The following KIF21A variants were observed in gnomAD, a reference collection of about 807,000 sequenced individuals.
The protein encoded by KIF21A is kinesin family member 21A.
A neutral mutation model predicts 202.9 loss-of-function variants in KIF21A; 114 were observed. That is an observed-to-expected ratio of 0.56 (90% CI 0.48 to 0.66). The LOEUF is 0.66. KIF21A is among the 30% of genes least tolerant of loss of function. KIF21A has a pLI of 0.00. For missense variants in KIF21A, 1,677 were observed against 1,994.9 expected, an observed-to-expected ratio of 0.84 and a Z score of 3.04; for synonymous variants, 667 against 670.8, an observed-to-expected ratio of 0.99 and a Z score of 0.09.
intron 1 of KIF21A, among the ~76,000 whole-genome samples, chr12:39,403,194 A>C (rs891207539): frequency 1.5e-4 from 23 of 152,172 alleles, no homozygotes; most frequent in Admixed American, 5.2e-4. Context: ...AAACCCTTGA[A>C]CACCTGGGGG....
Position 39,367,998 on chromosome 12 carries a change from G to A in KIF21A, c.485C>T (p.Thr162Ile), listed in dbSNP as rs1472980527. The A allele has an allele frequency of 1.0e-5, 16 of 1,595,950 alleles. No homozygotes were observed. Among genetic ancestry groups the A allele is most frequent in the African/African-American group, 1.3e-5 (1 of 74,406 alleles). The change falls in exon 4 of 38, where the codon ACC becomes ATC. Residue 162 changes from threonine to isoleucine, a missense_variant. This residue lies in a region of KIF21A where 966 missense variants were observed against 1,180.9 expected (regional missense o/e 0.82). Coordinates refer to ENST00000361418, the MANE Select transcript of KIF21A (RefSeq NM_001173464.2). ...ACTTTTTGCATCAATATCACGAGTGGTATCAAATAAGTCAAGGACCTCTTC... is the reference window on the plus strand; with the variant it reads ...ACTTTTTGCATCAATATCACGAGTGATATCAAATAAGTCAAGGACCTCTTC... ...YNEEVLDLFD[T>I]TRDIDAKSKK...
chr12:39,296,407 A>C (rs990558328), intron 37 of KIF21A, among the ~76,000 whole-genome samples: 4 of 152,210 alleles, frequency 2.6e-5, no homozygotes, highest in Non-Finnish European at 5.9e-5. Flanking sequence ...ATAAAATTTA[A>C]AAGCTCAAAT....
chr12:39,387,622 C>T (rs1951038905), intron 1 of KIF21A, among the ~76,000 whole-genome samples: 2 of 152,084 alleles, frequency 1.3e-5, no homozygotes, highest in South Asian at 4.1e-4. Flanking sequence ...GGATGTGTTA[C>T]CCCACCCCTA....
At chr12:39,414,714 T>C (rs957036557) in intron 1 of KIF21A, among the ~76,000 whole-genome samples, 2 of 152,154 alleles carry the variant, frequency 1.3e-5, no homozygotes, top group Non-Finnish European at 2.9e-5. Flanking sequence ...AGGAAAATAA[T>C]GTCAGCAGGT....
chr12:39,376,958 A>C (rs977145643), intron 1 of KIF21A, among the ~76,000 whole-genome samples: 2 of 152,188 alleles, frequency 1.3e-5, no homozygotes, highest in African/African-American at 4.8e-5. Flanking sequence ...TTGTCCTGTT[A>C]GAAAGTACTA....
chr12:39,302,813 T>C, intron 36 of KIF21A, 152 bp downstream of exon 36: 1 of 705,424 alleles, frequency 1.4e-6, no homozygotes, highest in Non-Finnish European at 2.5e-6. Context: ...AGTGAAGAAC[T>C]CTGGGGAGGA....
intron 37 of KIF21A, among the ~76,000 whole-genome samples, chr12:39,300,180 A>G (rs1200432561): frequency 6.6e-6 from 1 of 152,208 alleles, no homozygotes; most frequent in Admixed American, 6.5e-5. Context: ...GTACAATTAC[A>G]TTACATGTCA....
At chr12:39,434,169 G>C (rs888971152) in intron 1 of KIF21A, among the ~76,000 whole-genome samples, 1 of 152,182 alleles carries the variant, frequency 6.6e-6, no homozygotes, top group African/African-American at 2.4e-5. Flanking sequence ...CCTGCATCTG[G>C]CACGGTCTTT....
At chr12:39,298,999 A>C (rs1218388999) in intron 37 of KIF21A, among the ~76,000 whole-genome samples, 1 of 152,202 alleles carries the variant, frequency 6.6e-6, no homozygotes, top group African/African-American at 2.4e-5. Flanking sequence ...AATATTTATT[A>C]AATAAGTAAG....
At chr12:39,296,746 G>A (rs1312062169) in intron 37 of KIF21A, among the ~76,000 whole-genome samples, 1 of 152,196 alleles carries the variant, frequency 6.6e-6, no homozygotes, top group Non-Finnish European at 1.5e-5. Flanking sequence ...GAGGTTATTG[G>A]GGTTGCAAGA....
At chr12:39,369,494 A>T (rs1284671903) in intron 3 of KIF21A, among the ~76,000 whole-genome samples, 1 of 152,130 alleles carries the variant, frequency 6.6e-6, no homozygotes, top group Non-Finnish European at 1.5e-5. Context: ...AATAAACAAT[A>T]TTAATTGTTC....
chr12:39,327,469 CAT>C lies in KIF21A; in HGVS notation c.3341-1147_3341-1146del, dbSNP rs139860720. ...TCTAAGGTACTGAATTAGTCAGTAA[CAT>C]AGAAAATTATGTTATAAAGAAATGA... On this transcript the variant is annotated intron_variant, in intron 24 of 37. Coordinates refer to ENST00000361418, the MANE Select transcript of KIF21A (RefSeq NM_001173464.2). Among the ~76,000 whole-genome samples, 681 of 152,234 alleles carry C rather than the reference CAT, an allele frequency of 4.5e-3. 5 individuals are homozygous for C. The highest frequency in any genetic ancestry group is 0.016 in the African/African-American group (649 of 41,552).
Position 39,366,321 on chromosome 12 carries a change from A to G in KIF21A, c.903+29T>C, listed in dbSNP as rs367761838. The G allele has an allele frequency of 6.3e-6, 10 of 1,595,470 alleles. No individual in the cohort carries two copies. The African/African-American group carries it at 1.3e-4, about 21-fold the overall frequency. On this transcript the variant is annotated intron_variant, in intron 6 of 37. Transcript: ENST00000361418. Reference sequence around the variant, plus strand: ...AAAAGGACAATAGAAAAGCTCTGATATATTCTCAGCACAAAGCCTTAATCT... The same window carrying G: ...AAAAGGACAATAGAAAAGCTCTGATGTATTCTCAGCACAAAGCCTTAATCT...
chr12:39,394,072 A>G (rs1004886724), intron 1 of KIF21A, among the ~76,000 whole-genome samples: 1 of 152,232 alleles, frequency 6.6e-6, no homozygotes, highest in African/African-American at 2.4e-5. Flanking sequence ...ATCTGCAGGA[A>G]ATCCATTAGT....
At chr12:39,425,367 G>T (rs992349506) in intron 1 of KIF21A, among the ~76,000 whole-genome samples, 1 of 152,158 alleles carries the variant, frequency 6.6e-6, no homozygotes, top group African/African-American at 2.4e-5. Context: ...GCAGTCAAAT[G>T]GTTTTTGACA....
At chr12:39,325,363 G>A (rs919403045) in intron 26 of KIF21A, among the ~76,000 whole-genome samples, 1 of 146,620 alleles carries the variant, frequency 6.8e-6, no homozygotes, top group African/African-American at 2.6e-5. Context: ...ACGGAGTCTC[G>A]CTCCGTCGCC....
At chr12:39,348,111 A>G (rs1948057770) in intron 11 of KIF21A, among the ~76,000 whole-genome samples, 1 of 152,094 alleles carries the variant, frequency 6.6e-6, no homozygotes, top group Non-Finnish European at 1.5e-5. Context: ...CATAAACTTT[A>G]CATGCCTCCT....
At chr12:39,388,286 A>T (rs922593759) in intron 1 of KIF21A, among the ~76,000 whole-genome samples, 2 of 152,188 alleles carry the variant, frequency 1.3e-5, no homozygotes, top group African/African-American at 4.8e-5. Context: ...CTCTCTCACC[A>T]TGTAATCTCT....
In KIF21A at chr12:39,341,601, C is replaced by T; in HGVS notation, c.1825G>A (p.Asp609Asn). ...TCCTCCTCTTCTTCATCCTCATGAT[C>T]ACTCACTTCTTGACTTTCTTCCTAA... is the stretch of plus-strand genomic sequence containing the variant. ...LEVEESQEVSDHEDEEEEEEE... is the reference protein window; with the variant it reads ...LEVEESQEVSNHEDEEEEEEE... Residue 609 changes from aspartate to asparagine, a missense_variant, in exon 14 of 38, where the codon GAT becomes AAT. Asp to Asn is a conservative substitution (Grantham distance 23). Coordinates refer to ENST00000361418, the MANE Select transcript of KIF21A (RefSeq NM_001173464.2). 6.2e-7 allele frequency: 1 copy of T among 1,610,330 alleles called. No individual in the cohort carries two copies. Among genetic ancestry groups the T allele is most frequent in the African/African-American group, 1.3e-5 (1 of 74,994 alleles).
Sources: gnomAD v4.1 joint callset for allele counts (sites outside exome capture counted in the v4.1 genomes callset) on GRCh38, gnomAD v4.1.1 for gene constraint, gnomAD v4.1.1 regional missense constraint, MANE v1.5 for transcripts, NCBI Gene and HGNC (gene_info 2026-07-23, HGNC 2026-07-21) for gene names.